MSH3: variants seen among roughly 807,000 people sequenced by gnomAD.
MSH3 encodes the protein mutS homolog 3, also known as DNA mismatch repair protein Msh3.
In MSH3, 106 loss-of-function variants were observed where a neutral mutation model predicts 123.3. The observed-to-expected ratio is 0.86, with a 90% confidence interval of 0.73 to 1.01. The LOEUF is 1.01. Among genes scored for constraint, MSH3 ranks in the 50% least tolerant of loss-of-function variants. The probability of loss-of-function intolerance (pLI) is 0.00; values close to 1 mark genes in which losing one functional copy is unlikely to be tolerated. For synonymous variants in MSH3, 515 were observed against 481.4 expected (o/e 1.07, Z -0.91); for missense variants, 1,459 against 1,347.6 (o/e 1.08, Z -1.29).
intron 17 of MSH3, among the ~76,000 whole-genome samples, chr5:80,780,216 T>C (rs1010141139): frequency 6.6e-5 from 10 of 152,188 alleles, no homozygotes; most frequent in African/African-American, 2.4e-4. Flanking sequence ...CTGATTTCTG[T>C]AGTGTAAACA....
chr5:80,729,998 G>C (rs536556489), intron 10 of MSH3, among the ~76,000 whole-genome samples: 1 of 152,288 alleles, frequency 6.6e-6, no homozygotes, highest in South Asian at 2.1e-4. Flanking sequence ...AAGGTTGCTG[G>C]AGAGAGTCAA....
At position 80,863,225 on chromosome 5, in the gene MSH3, G is replaced by C. The variant is rs1746043480; in HGVS notation, c.3001-1588G>C. On this transcript the variant is annotated intron_variant, in intron 21 of 23. Coordinates refer to ENST00000265081, the MANE Select transcript of MSH3 (RefSeq NM_002439.5). ...AAGAGTCAAACTCTGTAAAATATTT[G>C]AAGAGATTTATTCTGAGTCAAATAT... 2.0e-5 allele frequency among the ~76,000 whole-genome samples: 3 copies of C among 152,166 alleles called. No individual in the cohort carries two copies. The South Asian group carries it at 6.2e-4, about 31-fold the overall frequency.
intron 21 of MSH3, 90 bp from the exon 22 acceptor site, chr5:80,864,723 T>A (rs1462654151): frequency 3.3e-6 from 4 of 1,194,050 alleles, no homozygotes; most frequent in Non-Finnish European, 4.8e-6. Context: ...TTAGGAAGAT[T>A]TAAAATTTTT....
chr5:80,693,409 A>G (rs780699588), intron 8 of MSH3, among the ~76,000 whole-genome samples: 1 of 64,522 alleles, frequency 1.5e-5, no homozygotes, highest in Non-Finnish European at 3.1e-5. Context: ...GCACATGTAT[A>G]TGTTTATATA....
intron 15 of MSH3, among the ~76,000 whole-genome samples, chr5:80,771,759 T>C (rs953017301): frequency 6.6e-6 from 1 of 152,192 alleles, no homozygotes; most frequent in Non-Finnish European, 1.5e-5. Context: ...ATTAGATAAA[T>C]GTGCCAGTCT....
intron 20 of MSH3, among the ~76,000 whole-genome samples, chr5:80,853,698 T>G (rs1446014731): frequency 1.3e-5 from 2 of 152,204 alleles, no homozygotes; most frequent in African/African-American, 4.8e-5. Flanking sequence ...TGTAGTACTT[T>G]AATTTGTAAT....
chr5:80,774,014 C>T (rs1181187958), intron 15 of MSH3, among the ~76,000 whole-genome samples: 1 of 152,054 alleles, frequency 6.6e-6, no homozygotes, highest in African/African-American at 2.4e-5. Flanking sequence ...GTAATCTGTC[C>T]GCCTCAGCCT....
At chr5:80,708,890 T>G (rs1020192209) in intron 8 of MSH3, among the ~76,000 whole-genome samples, 10 of 152,104 alleles carry the variant, frequency 6.6e-5, no homozygotes, top group Admixed American at 3.9e-4. Flanking sequence ...TTTTCCTGCC[T>G]CACCGTCTCG....
chr5:80,869,946 G>A (rs58825743), intron 22 of MSH3, among the ~76,000 whole-genome samples: 21,486 of 150,606 alleles, frequency 0.14, 1,574 homozygotes, highest in East Asian at 0.24. Flanking sequence ...GGCCAAAGTG[G>A]GCAGATCACC....
intron 8 of MSH3, among the ~76,000 whole-genome samples, chr5:80,692,930 T>C (rs1194338003): frequency 9.6e-5 from 6 of 62,524 alleles, no homozygotes; most frequent in Non-Finnish European, 1.5e-4. Context: ...TGTATATGTT[T>C]AGATAAATAT....
At chr5:80,740,640 G>T (rs555566375) in intron 10 of MSH3, among the ~76,000 whole-genome samples, 1 of 151,974 alleles carries the variant, frequency 6.6e-6, no homozygotes, top group African/African-American at 2.4e-5. Context: ...GATTACAGGC[G>T]TGAGCCACTG....
chr5:80,828,150 G>T (rs1332924699), intron 20 of MSH3, among the ~76,000 whole-genome samples: 1 of 152,178 alleles, frequency 6.6e-6, no homozygotes, highest in East Asian at 1.9e-4. Flanking sequence ...TGTAGACTGG[G>T]AAGTCCGAGG....
chr5:80,799,587 T>A (rs1744757749), intron 19 of MSH3, among the ~76,000 whole-genome samples: 1 of 150,710 alleles, frequency 6.6e-6, no homozygotes, highest in African/African-American at 2.4e-5. Flanking sequence ...TTTTATTTTA[T>A]TTTTTTTCTG....
intron 4 of MSH3, among the ~76,000 whole-genome samples, chr5:80,671,418 G>A (rs751507342): frequency 6.6e-6 from 1 of 152,144 alleles, no homozygotes; most frequent in Non-Finnish European, 1.5e-5. Context: ...GGCAAGCAGC[G>A]TTCTCAAAGT....
intron 15 of MSH3, among the ~76,000 whole-genome samples, chr5:80,773,003 G>C (rs904883461): frequency 4.6e-5 from 7 of 152,186 alleles, no homozygotes; most frequent in Non-Finnish European, 8.8e-5. Context: ...GCCCGCTGTA[G>C]TGATTGTGCT....
intron 16 of MSH3, among the ~76,000 whole-genome samples, chr5:80,776,201 A>G (rs1424195076): frequency 6.6e-6 from 1 of 152,086 alleles, no homozygotes; most frequent in Non-Finnish European, 1.5e-5. Context: ...TTTCTTATGG[A>G]ACTTTTAACC....
intron 8 of MSH3, among the ~76,000 whole-genome samples, chr5:80,706,918 G>A (rs1295676995): frequency 1.3e-5 from 2 of 152,136 alleles, no homozygotes; most frequent in Non-Finnish European, 2.9e-5. Flanking sequence ...TTAAGTGTAT[G>A]AGTCAATCAA....
chr5:80,834,556 T>A (rs1745475948), intron 20 of MSH3, among the ~76,000 whole-genome samples: 1 of 148,872 alleles, frequency 6.7e-6, no homozygotes, highest in Non-Finnish European at 1.5e-5. Flanking sequence ...TCATTGCCTC[T>A]ACTTAACAAT....
intron 15 of MSH3, among the ~76,000 whole-genome samples, chr5:80,770,596 A>C (rs1181398888): frequency 6.6e-6 from 1 of 152,190 alleles, no homozygotes; most frequent in Non-Finnish European, 1.5e-5. Flanking sequence ...GGTTTGGAGT[A>C]GTTAGATAAG....
Sources: gnomAD v4.1 joint callset for allele counts (sites outside exome capture counted in the v4.1 genomes callset) on GRCh38, gnomAD v4.1.1 for gene constraint, MANE v1.5 for transcripts, NCBI Gene and HGNC (gene_info 2026-07-23, HGNC 2026-07-21) for gene names.